Variants in RAB3C observed in about 807,000 individuals in gnomAD.
RAB3C encodes RAB3C, member RAS oncogene family.
In RAB3C, 17 loss-of-function variants were observed where a neutral mutation model predicts 26.4. The ratio of observed to expected loss-of-function variants is 0.64; its 90% CI spans 0.44 to 0.97. The LOEUF (loss-of-function observed/expected upper bound fraction) is 0.97. RAB3C is among the 50% of genes least tolerant of loss of function. RAB3C has a pLI of 0.00. For missense variants in RAB3C, 242 were observed against 281.9 expected, an observed-to-expected ratio of 0.86 and a Z score of 1.01; for synonymous variants, 91 against 95.9, an observed-to-expected ratio of 0.95 and a Z score of 0.30.
intron 2 of RAB3C, among the ~76,000 whole-genome samples, chr5:58,643,279 T>C (rs1446077384): frequency 6.6e-6 from 1 of 152,222 alleles, no homozygotes; most frequent in Non-Finnish European, 1.5e-5. Flanking sequence ...CCTTTTAAGC[T>C]GAAAGAACAT....
At chr5:58,776,520 G>C (rs1742146102) in intron 3 of RAB3C, among the ~76,000 whole-genome samples, 1 of 151,970 alleles carries the variant, frequency 6.6e-6, no homozygotes, top group Admixed American at 6.6e-5. Context: ...ATGATCTCTT[G>C]ACCACCTGGG....
chr5:58,710,572 C>G (rs1038520966), intron 2 of RAB3C, among the ~76,000 whole-genome samples: 2 of 150,268 alleles, frequency 1.3e-5, no homozygotes, highest in African/African-American at 4.9e-5. Context: ...GCACTCTAGC[C>G]TGGGCAAAAG....
chr5:58,844,989 T>C (rs527639504), intron 4 of RAB3C, among the ~76,000 whole-genome samples: 72 of 152,278 alleles, frequency 4.7e-4, no homozygotes, highest in African/African-American at 1.7e-3. Context: ...GTGTTTCCTG[T>C]AAGATTGTTG....
intron 2 of RAB3C, among the ~76,000 whole-genome samples, chr5:58,639,417 G>C (rs74916241): frequency 0.1 from 15,954 of 152,112 alleles, 960 homozygotes; most frequent in Middle Eastern, 0.2. Context: ...AGTTCTGAAG[G>C]CTGGGAAGTC....
At chr5:58,612,763 C>T (rs1382943658) in intron 1 of RAB3C, among the ~76,000 whole-genome samples, 1 of 151,696 alleles carries the variant, frequency 6.6e-6, no homozygotes, top group Non-Finnish European at 1.5e-5. Flanking sequence ...ATCATGTAGT[C>T]TGCAAACAGG....
chr5:58,629,689 T>TG (rs1194534274), intron 2 of RAB3C, among the ~76,000 whole-genome samples: 1 of 152,124 alleles, frequency 6.6e-6, no homozygotes, highest in East Asian at 1.9e-4. Context: ...GCTGTTAGCA[T>TG]GGGGAAACTG....
intron 2 of RAB3C, among the ~76,000 whole-genome samples, chr5:58,636,425 C>T (rs1259210117): frequency 6.6e-6 from 1 of 152,198 alleles, no homozygotes; most frequent in African/African-American, 2.4e-5. Context: ...TGTCTTTTGA[C>T]TCATGTCCTA....
At chr5:58,674,333 T>G (rs922428189) in intron 2 of RAB3C, among the ~76,000 whole-genome samples, 1 of 152,228 alleles carries the variant, frequency 6.6e-6, no homozygotes, top group Non-Finnish European at 1.5e-5. Context: ...GTCATTGCTT[T>G]ATATTTTTGA....
intron 1 of RAB3C, among the ~76,000 whole-genome samples, chr5:58,611,539 G>C (rs1746701181): frequency 2.0e-5 from 3 of 152,084 alleles, no homozygotes; most frequent in African/African-American, 7.2e-5. Flanking sequence ...CATTTGAAAA[G>C]TGTCTGTTCA....
rs186407830 is a variant in RAB3C, at chr5:58,622,518, A to G, written c.252+4648A>G. ...CTCTGTCACTAATTTCACTCTGACA[A>G]ATGCTGTGATTCCCAACTGTCTCAC... On this transcript the variant is annotated intron_variant, in intron 2 of 4. Transcript: ENST00000282878. Among the ~76,000 whole-genome samples, 35 of 152,288 alleles carry G rather than the reference A, an allele frequency of 2.3e-4. No individual in the cohort carries two copies. In the East Asian group the frequency reaches 5.6e-3, roughly 24 times the overall value.
chr5:58,645,851 A>G (rs2111776718), intron 2 of RAB3C, among the ~76,000 whole-genome samples: 1 of 152,286 alleles, frequency 6.6e-6, no homozygotes, highest in South Asian at 2.1e-4. Context: ...GGGCCCACAG[A>G]TAACTGGGAC....
chr5:58,745,259 A>G (rs560641149), intron 3 of RAB3C, among the ~76,000 whole-genome samples: 4 of 151,874 alleles, frequency 2.6e-5, no homozygotes, highest in South Asian at 4.2e-4. Context: ...TTAGCCGGGC[A>G]TAGTGGCGGG....
intron 3 of RAB3C, among the ~76,000 whole-genome samples, chr5:58,740,316 A>T (rs1741249499): frequency 6.6e-6 from 1 of 152,098 alleles, no homozygotes; most frequent in Non-Finnish European, 1.5e-5. Context: ...TTATTTATGG[A>T]GTGACTTATC....
chr5:58,682,815 C>T (rs530007816), intron 2 of RAB3C, among the ~76,000 whole-genome samples: 2 of 151,926 alleles, frequency 1.3e-5, no homozygotes, highest in African/African-American at 4.8e-5. Flanking sequence ...GAAATTATTC[C>T]AGGATCACCC....
intron 3 of RAB3C, among the ~76,000 whole-genome samples, chr5:58,812,478 T>C (rs1367664594): frequency 2.0e-5 from 3 of 152,164 alleles, no homozygotes; most frequent in Non-Finnish European, 4.4e-5. Flanking sequence ...AGCAACACCA[T>C]ATGGTGCAGA....
chr5:58,821,777 T>A (rs1579937572), intron 3 of RAB3C, among the ~76,000 whole-genome samples: 1 of 152,278 alleles, frequency 6.6e-6, no homozygotes, highest in South Asian at 2.1e-4. Context: ...TAAAACCCTA[T>A]CTGCCTCTTC....
At chr5:58,774,732 T>C (rs1348703514) in intron 3 of RAB3C, among the ~76,000 whole-genome samples, 1 of 152,050 alleles carries the variant, frequency 6.6e-6, no homozygotes, top group Non-Finnish European at 1.5e-5. Flanking sequence ...AGCCATGATA[T>C]GAAGGAGGTA....
chr5:58,684,580 C>T (rs113986350), intron 2 of RAB3C, among the ~76,000 whole-genome samples: 49 of 152,264 alleles, frequency 3.2e-4, no homozygotes, highest in African/African-American at 1.2e-3. Context: ...CATATCCACA[C>T]TGGTTCATAG....
intron 2 of RAB3C, among the ~76,000 whole-genome samples, chr5:58,723,693 T>C (rs1740822748): frequency 6.6e-6 from 1 of 151,762 alleles, no homozygotes; most frequent in Non-Finnish European, 1.5e-5. Context: ...TTAATTTCAT[T>C]TTGATGGTAA....
Sources: gnomAD v4.1 joint callset for allele counts (sites outside exome capture counted in the v4.1 genomes callset) on GRCh38, gnomAD v4.1.1 for gene constraint, MANE v1.5 for transcripts, NCBI Gene and HGNC (gene_info 2026-07-23, HGNC 2026-07-21) for gene names.